Variants in GABRB2 observed in about 807,000 individuals in gnomAD.
GABRB2 encodes gamma-aminobutyric acid type A receptor subunit beta2.
GABRB2 carries 16 observed loss-of-function variants against 54.7 expected under a neutral mutation model. The ratio of observed to expected loss-of-function variants is 0.29; its 90% CI spans 0.20 to 0.44. The LOEUF (loss-of-function observed/expected upper bound fraction) is 0.44. GABRB2 is among the 20% of genes least tolerant of loss of function. GABRB2 has a pLI of 1.00. For missense variants in GABRB2, 355 were observed against 644.0 expected, an observed-to-expected ratio of 0.55 and a Z score of 4.86; for synonymous variants, 244 against 233.8, an observed-to-expected ratio of 1.04 and a Z score of -0.40.
intron 5 of GABRB2, among the ~76,000 whole-genome samples, chr5:161,370,012 A>G (rs1755086767): frequency 1.3e-5 from 2 of 152,106 alleles, no homozygotes; most frequent in Admixed American, 1.3e-4. Context: ...ATCTCTGGGT[A>G]AGATCTAAGT....
intron 5 of GABRB2, among the ~76,000 whole-genome samples, chr5:161,361,485 G>A (rs1277107363): frequency 6.6e-6 from 1 of 152,030 alleles, no homozygotes; most frequent in African/African-American, 2.4e-5. Flanking sequence ...TAGACTAAAT[G>A]GGACTGTTGA....
chr5:161,361,308 G>A (rs1425210099), intron 5 of GABRB2, among the ~76,000 whole-genome samples: 4 of 152,090 alleles, frequency 2.6e-5, no homozygotes, highest in South Asian at 2.1e-4. Context: ...TAAACTTTTA[G>A]GGAAGGAATT....
rs77690700 is a variant in GABRB2, at chr5:161,387,457, C to A, written c.541+23518G>T. ...AGGTTATCACAGTAACCTGAAGCTTCTTGAAGGTTTATGTGTGATATTTTA... is the reference window on the plus strand; with the variant it reads ...AGGTTATCACAGTAACCTGAAGCTTATTGAAGGTTTATGTGTGATATTTTA... On this transcript the variant is annotated intron_variant, in intron 5 of 9. Transcript: ENST00000393959. Among the ~76,000 whole-genome samples the A allele has an allele frequency of 6.6e-5, 10 of 152,258 alleles. No homozygotes were observed. In the East Asian group the frequency reaches 1.9e-3, roughly 29 times the overall value.
chr5:161,330,626 A>G, intron 8 of GABRB2: 1 of 466,410 alleles, frequency 2.1e-6, no homozygotes, highest in Non-Finnish European at 3.9e-6. Flanking sequence ...ACTATACTCA[A>G]TATGTGAGAA....
chr5:161,436,745 A>G (rs936357513), intron 4 of GABRB2, among the ~76,000 whole-genome samples: 3 of 152,146 alleles, frequency 2.0e-5, no homozygotes, highest in African/African-American at 7.2e-5. Context: ...GAAGAGATGG[A>G]AAAAAGAGTT....
chr5:161,312,367 A>C lies in GABRB2; in HGVS notation c.1191+14001T>G, dbSNP rs111852826. ...ATCTGAAGATGACGGCAGACAGTGA[A>C]AGTTGCTAACTTTATAAAACATAAG... On this transcript the variant is annotated intron_variant, in intron 9 of 9. Coordinates refer to ENST00000393959, the MANE Select transcript of GABRB2 (RefSeq NM_001371727.1). 2.7e-3 allele frequency among the ~76,000 whole-genome samples: 407 copies of C among 152,314 alleles called. 4 individuals carry two copies. The highest frequency in any genetic ancestry group is 9.5e-3 in the African/African-American group (395 of 41,554).
chr5:161,445,647 AAAACCTCGGTGTTGAAAACACCTTATCAC>A (rs1364057368), intron 4 of GABRB2, among the ~76,000 whole-genome samples: 1 of 152,162 alleles, frequency 6.6e-6, no homozygotes, highest in Non-Finnish European at 1.5e-5. Flanking sequence ...TCTGCATGAT[AAAACCTCGGTGTTGAAAACACCTTATCAC>A]AACCCAGACA....
intron 4 of GABRB2, 138 bp downstream of exon 4, chr5:161,459,486 G>A (rs1758056851): frequency 4.2e-6 from 3 of 722,742 alleles, no homozygotes; most frequent in South Asian, 3.5e-5. Context: ...GCTCTCAAAT[G>A]TCTAGTGGAT....
At chr5:161,369,199 A>G (rs541500576) in intron 5 of GABRB2, among the ~76,000 whole-genome samples, 1 of 152,296 alleles carries the variant, frequency 6.6e-6, no homozygotes, top group South Asian at 2.1e-4. Context: ...GTGGCTGTGA[A>G]CTGATTAGTA....
chr5:161,404,881 T>C (rs995543672), intron 5 of GABRB2, among the ~76,000 whole-genome samples: 49 of 152,136 alleles, frequency 3.2e-4, no homozygotes, highest in African/African-American at 1.2e-3. Flanking sequence ...AAGTAACCCT[T>C]AACCTACAGC....
At chr5:161,415,081 A>G (rs1756625398) in intron 4 of GABRB2, among the ~76,000 whole-genome samples, 1 of 152,200 alleles carries the variant, frequency 6.6e-6, no homozygotes, top group Non-Finnish European at 1.5e-5. Context: ...AACATGCTTA[A>G]TGGACCTTAA....
At chr5:161,339,286 A>T (rs1754083852) in intron 5 of GABRB2, among the ~76,000 whole-genome samples, 1 of 152,174 alleles carries the variant, frequency 6.6e-6, no homozygotes, top group South Asian at 2.1e-4. Context: ...TTTCCAAGAT[A>T]GTAACTGGCA....
intron 4 of GABRB2, among the ~76,000 whole-genome samples, chr5:161,433,076 C>A (rs1473685621): frequency 6.6e-6 from 1 of 151,946 alleles, no homozygotes; most frequent in Admixed American, 6.6e-5. Flanking sequence ...AGGGATGATG[C>A]ACAGTAGATA....
At chr5:161,530,263 A>G (rs1760414355) in intron 3 of GABRB2, among the ~76,000 whole-genome samples, 3 of 152,120 alleles carry the variant, frequency 2.0e-5, no homozygotes, top group African/African-American at 2.4e-5. Context: ...ACATATTTCT[A>G]ACATTTTCCT....
intron 3 of GABRB2, among the ~76,000 whole-genome samples, chr5:161,516,622 T>C (rs1759957609): frequency 6.6e-6 from 1 of 151,960 alleles, no homozygotes; most frequent in Non-Finnish European, 1.5e-5. Context: ...ATATATTTGC[T>C]GTAGGGTTTG....
At chr5:161,408,400 G>A (rs1756408148) in intron 5 of GABRB2, among the ~76,000 whole-genome samples, 1 of 152,068 alleles carries the variant, frequency 6.6e-6, no homozygotes, top group Non-Finnish European at 1.5e-5. Context: ...GGAGGCCAGG[G>A]ATATTGTATA....
chr5:161,521,980 A>G (rs1453733915), intron 3 of GABRB2, among the ~76,000 whole-genome samples: 1 of 151,900 alleles, frequency 6.6e-6, no homozygotes, highest in Non-Finnish European at 1.5e-5. Flanking sequence ...TTGCCTTTCT[A>G]GCATTACTAA....
chr5:161,305,924 A>T (rs1757677562), intron 9 of GABRB2, among the ~76,000 whole-genome samples: 1 of 152,176 alleles, frequency 6.6e-6, no homozygotes, highest in Non-Finnish European at 1.5e-5. Flanking sequence ...ACTAAGAGGG[A>T]AAAGGGGTGG....
intron 3 of GABRB2, among the ~76,000 whole-genome samples, chr5:161,532,469 A>G (rs1309319957): frequency 6.6e-6 from 1 of 151,984 alleles, no homozygotes; most frequent in Admixed American, 6.6e-5. Context: ...GGACCTACTG[A>G]CTCGGATTCT....
Sources: gnomAD v4.1 joint callset for allele counts (sites outside exome capture counted in the v4.1 genomes callset) on GRCh38, gnomAD v4.1.1 for gene constraint, MANE v1.5 for transcripts, NCBI Gene and HGNC (gene_info 2026-07-23, HGNC 2026-07-21) for gene names.